Variants in NADK observed in about 807,000 individuals in gnomAD.
NADK encodes the protein NAD kinase, also known as poly(P)/ATP NAD kinase.
In NADK, 22 loss-of-function variants were observed where a neutral mutation model predicts 49.8. That is an observed-to-expected ratio of 0.44 (90% confidence interval 0.32 to 0.63). NADK has a LOEUF of 0.63. NADK is among the 30% of genes least tolerant of loss of function. The pLI is 0.06. For missense variants in NADK, 438 were observed against 609.4 expected, an observed-to-expected ratio of 0.72 and a Z score of 2.96; for synonymous variants, 268 against 253.7, an observed-to-expected ratio of 1.06 and a Z score of -0.54.
At chr1:1,756,825 T>A in intron 4 of NADK, 1 of 887,662 alleles carries the variant, frequency 1.1e-6, no homozygotes, top group Non-Finnish European at 1.9e-6. Context: ...AGGAATTGAC[T>A]AAGGCTGTTA....
intron 1 of NADK, among the ~76,000 whole-genome samples, chr1:1,768,171 C>CAA (rs1186857370): frequency 3.1e-5 from 3 of 95,574 alleles, no homozygotes; most frequent in African/African-American, 3.7e-5. Context: ...AACTCCGTCT[C>CAA]AAAAAAAAAA....
rs1358458894 is a variant in NADK, at chr1:1,759,373, G to A, written c.264-2063C>T. On this transcript the variant is annotated intron_variant, in intron 3 of 11. Coordinates refer to ENST00000341426, the MANE Select transcript of NADK (RefSeq NM_023018.5). ...CTGCACGGAGAGGGCAGGGGGTGGC[G>A]TGAAGCCAGCATGGCCACAGCCTGG... is the stretch of plus-strand genomic sequence containing the variant. The A allele has an allele frequency of 6.3e-5, 83 of 1,313,966 alleles. 1 individual carries two copies. In the South Asian group the frequency reaches 6.3e-4, roughly 10 times the overall value. 81.4% of individuals were successfully genotyped at this position (1,313,966 alleles called of 1,614,324 possible).
chr1:1,777,160 G>A (rs1227210586), intron 1 of NADK, among the ~76,000 whole-genome samples: 4 of 152,126 alleles, frequency 2.6e-5, no homozygotes, highest in South Asian at 2.1e-4. Context: ...GTACTGCGGT[G>A]GCACCTGTGA....
At chr1:1,753,265 C>A (rs1645387078) in intron 11 of NADK, among the ~76,000 whole-genome samples, 1 of 152,188 alleles carries the variant, frequency 6.6e-6, no homozygotes, top group Non-Finnish European at 1.5e-5. Context: ...GTGCAGGGAA[C>A]TGACAAACTC....
intron 3 of NADK, among the ~76,000 whole-genome samples, chr1:1,759,416 TACTGAG>T (rs1347947104): frequency 6.6e-6 from 1 of 152,218 alleles, no homozygotes; most frequent in Non-Finnish European, 1.5e-5. Context: ...GGCCAGCTCC[TACTGAG>T]ACTGTCTCAC....
At position 1,753,579 on chromosome 1, in the gene NADK, C is replaced by A; in HGVS notation, c.1172G>T (p.Arg391Leu). 1.2e-6 allele frequency: 2 copies of A among 1,612,492 alleles called. No homozygotes were observed. The highest frequency in any genetic ancestry group is 8.5e-7 in the Non-Finnish European group (1 of 1,179,400). ...SFDGRKRQEI[R>L]HGDSISITTS... The stretch of plus-strand genomic sequence containing the variant: ...ATGCAGCCCACACCTGTCTCCATGG[C>A]GGATCTCTTGTCTCTTCCGTCCATC... The change falls in exon 11 of 12, where the codon CGC (arginine) becomes CTC (leucine). Residue 391 changes from arginine (R) to leucine (L), a missense_variant. Transcript: ENST00000341426.
intron 1 of NADK, among the ~76,000 whole-genome samples, chr1:1,776,270 A>G (rs530025243): frequency 6.6e-6 from 1 of 152,126 alleles, no homozygotes; most frequent in Non-Finnish European, 1.5e-5. Context: ...CCTCCACTCC[A>G]CAAGAACTGC....
At chr1:1,768,629 T>C (rs1356203251) in intron 1 of NADK, among the ~76,000 whole-genome samples, 15 of 152,180 alleles carry the variant, frequency 9.9e-5, no homozygotes, top group Admixed American at 9.8e-4. Flanking sequence ...TAAAGCCATG[T>C]GGGGACACAG....
chr1:1,762,746 A>C (rs1645766022), intron 2 of NADK, among the ~76,000 whole-genome samples: 1 of 149,590 alleles, frequency 6.7e-6, no homozygotes, highest in East Asian at 1.9e-4. Context: ...GAAAAAAGTG[A>C]AACTCTGTCT....
chr1:1,759,026 C>A (rs114256385), intron 3 of NADK: 2 of 1,439,206 alleles, frequency 1.4e-6, no homozygotes, highest in Non-Finnish European at 1.8e-6. Context: ...CACGGTCCTC[C>A]GGCCTGGTCA....
chr1:1,773,592 A>G (rs888194093), intron 1 of NADK, among the ~76,000 whole-genome samples: 1 of 151,924 alleles, frequency 6.6e-6, no homozygotes, highest in Non-Finnish European at 1.5e-5. Flanking sequence ...CTCTACAAAA[A>G]CATTAATAAA....
rs1024804008 is a variant in NADK at position 1,757,033 on chromosome 1, C to T, written c.393+148G>A. On this transcript the variant is annotated intron_variant, in intron 4 of 11. Coordinates refer to ENST00000341426, the MANE Select transcript of NADK (RefSeq NM_023018.5). Reference sequence around the variant, plus strand: ...GGCACACACAAACCCAGACACCCGGCAGATCCCCACTCAGTCCCCAGTTCC... The same window carrying T: ...GGCACACACAAACCCAGACACCCGGTAGATCCCCACTCAGTCCCCAGTTCC... 1.2e-5 allele frequency: 15 copies of T among 1,238,098 alleles called. No individual in the cohort carries two copies. In the Admixed American group the frequency reaches 1.4e-4, roughly 12 times the overall value. 76.7% of individuals were successfully genotyped at this position (1,238,098 alleles called of 1,614,324 possible). A position where few individuals can be genotyped will look rare whatever the true frequency, so the allele number is the denominator to read the frequency against.
chr1:1,777,893 T>A (rs900191565), intron 1 of NADK, among the ~76,000 whole-genome samples: 1 of 152,174 alleles, frequency 6.6e-6, no homozygotes, highest in Non-Finnish European at 1.5e-5. Flanking sequence ...ACTTTCCCAC[T>A]AGGTTTGGGC....
At chr1:1,769,312 C>T (rs1029771386) in intron 1 of NADK, among the ~76,000 whole-genome samples, 5 of 152,146 alleles carry the variant, frequency 3.3e-5, no homozygotes, top group South Asian at 2.1e-4. Context: ...TTTGGAAGGC[C>T]GAAGCGGGCA....
chr1:1,772,316 C>G (rs1283303021), intron 1 of NADK, among the ~76,000 whole-genome samples: 1 of 152,096 alleles, frequency 6.6e-6, no homozygotes, highest in Non-Finnish European at 1.5e-5. Context: ...GCATGCACCA[C>G]CATGCCTGAC....
At position 1,756,579 on chromosome 1, in the gene NADK, T is replaced by C. The variant is rs753384994; in HGVS notation, c.423A>G (p.Lys141=). The C allele has an allele frequency of 3.1e-6, 5 of 1,614,108 alleles. No homozygotes were observed. In the Admixed American group the frequency reaches 6.7e-5, roughly 22 times the overall value. Residue 141 remains lysine, a synonymous_variant, in exon 5 of 12, where the codon AAA becomes AAG. Transcript: ENST00000341426. ...TGGCGATGGCAGGGTCTTCTAGCAC[T>C]TTCTTTTCCACATACACGATCATGT... ...EENMIVYVEK[K]VLEDPAIASD...
chr1:1,755,736 G>C (rs1390207632), intron 6 of NADK, among the ~76,000 whole-genome samples: 1 of 152,194 alleles, frequency 6.6e-6, no homozygotes, highest in African/African-American at 2.4e-5. Context: ...CGGAGGGCTG[G>C]GGGAGCTGGC....
intron 6 of NADK, 170 bp downstream of exon 6, chr1:1,756,088 C>T: frequency 1.5e-6 from 1 of 658,760 alleles, no homozygotes; most frequent in Middle Eastern, 4.1e-4. Context: ...TGCCCCTGGC[C>T]CCACCGTCGC....
intron 1 of NADK, among the ~76,000 whole-genome samples, chr1:1,769,661 G>T (rs559643493): frequency 6.6e-6 from 1 of 152,016 alleles, no homozygotes; most frequent in Non-Finnish European, 1.5e-5. Context: ...CTGGGAGGCA[G>T]AGGCTGCAGT....
Sources: allele counts gnomAD v4.1 joint callset (sites outside exome capture counted in the v4.1 genomes callset), GRCh38; gene constraint gnomAD v4.1.1; transcripts MANE v1.5; gene names NCBI Gene and HGNC (gene_info 2026-07-23, HGNC 2026-07-21).